PCDHGB2: variants seen among roughly 807,000 people sequenced by gnomAD.
PCDHGB2 encodes protocadherin gamma-B2.
A neutral mutation model predicts 59.3 loss-of-function variants in PCDHGB2; 55 were observed. The ratio of observed to expected loss-of-function variants is 0.93; its 90% CI spans 0.75 to 1.16. The LOEUF (loss-of-function observed/expected upper bound fraction) is 1.16. PCDHGB2 is among the 50% of genes most tolerant of loss of function. The probability of loss-of-function intolerance (pLI) is 0.00; values close to 1 mark genes in which losing one functional copy is unlikely to be tolerated. For synonymous variants in PCDHGB2, 516 were observed against 512.0 expected (o/e 1.01, Z -0.11); for missense variants, 1,228 against 1,198.5 (o/e 1.02, Z -0.36).
chr5:141,400,923 T>C (rs1453975530), intron 1 of PCDHGB2, among the ~76,000 whole-genome samples: 1 of 152,260 alleles, frequency 6.6e-6, no homozygotes, highest in Admixed American at 6.5e-5. Flanking sequence ...AAGAAACTGC[T>C]AGTAGATGTC....
chr5:141,408,079 A>C (rs1176059527), intron 1 of PCDHGB2: 13 of 1,407,872 alleles, frequency 9.2e-6, no homozygotes, highest in Non-Finnish European at 1.1e-5. Context: ...CTTTCCCAGC[A>C]CAGCGGATTG....
At chr5:141,383,748 A>T in intron 1 of PCDHGB2, 1 of 1,613,970 alleles carries the variant, frequency 6.2e-7, no homozygotes, top group Non-Finnish European at 8.5e-7. Context: ...CTTTTCGGAA[A>T]ATAACTCCTA....
rs991408001 is a variant in PCDHGB2, at chr5:141,450,171, C to G, written c.2422-44636C>G. Among the ~76,000 whole-genome samples, 5 of 151,690 alleles carry G rather than the reference C, an allele frequency of 3.3e-5. No individual in the cohort carries two copies. In the East Asian group the frequency reaches 7.8e-4, roughly 24 times the overall value. ...ACAGGCATGTGCCACCACACTCCCACCACACCCAGCTAATTTTTGTATTTT... is the reference window on the plus strand; with the variant it reads ...ACAGGCATGTGCCACCACACTCCCAGCACACCCAGCTAATTTTTGTATTTT... On this transcript the variant is annotated intron_variant, in intron 1 of 3. Transcript: ENST00000522605.
At chr5:141,386,203 G>A (rs2090496623) in intron 1 of PCDHGB2, among the ~76,000 whole-genome samples, 1 of 152,140 alleles carries the variant, frequency 6.6e-6, no homozygotes, top group Non-Finnish European at 1.5e-5. Flanking sequence ...TAGACCAGTA[G>A]TTGATTTTAT....
Position 141,431,432 on chromosome 5 carries a change from AC to A in PCDHGB2, c.2422-63373del. 2 of 1,613,692 alleles carry A rather than the reference AC, an allele frequency of 1.2e-6. No individual in the cohort carries two copies. Among genetic ancestry groups the A allele is most frequent in the Non-Finnish European group, 1.7e-6 (2 of 1,180,026 alleles). On this transcript the variant is annotated intron_variant, in intron 1 of 3. Transcript: ENST00000522605. The surrounding 1 kb of genome is among the most constrained non-coding windows in gnomAD (Gnocchi z 4.8). ...CGGGGGCGACCCGGTGCGCACAGGC[AC>A]CGCGCGCATCCGCGTGATGGTTCTG... is the stretch of plus-strand genomic sequence containing the variant.
At position 141,361,101 on chromosome 5, in the gene PCDHGB2, A is replaced by T. The variant is rs1561522618; in HGVS notation, c.966A>T (p.Lys322Asn). 6.2e-7 allele frequency: 1 copy of T among 1,614,014 alleles called. No homozygotes were observed. The highest frequency in any genetic ancestry group is 8.5e-7 in the Non-Finnish European group (1 of 1,179,884). ...GTTACACTCTGAGTATCGAAGCAAAAGATCCTGGAGATCTAGCAGCCCACT... is the reference window on the plus strand; with the variant it reads ...GTTACACTCTGAGTATCGAAGCAAATGATCCTGGAGATCTAGCAGCCCACT... ...ASSYTLSIEA[K>N]DPGDLAAHCS... Residue 322 changes from lysine to asparagine, a missense_variant, in exon 1 of 4, where the codon AAA (lysine) becomes AAT (asparagine). Around this residue, in one of 3 missense-constraint regions of PCDHGB2, gnomAD observed 781 missense variants for 721.6 expected, o/e 1.08. Coordinates refer to ENST00000522605, the MANE Select transcript of PCDHGB2 (RefSeq NM_018923.3).
In PCDHGB2 at chr5:141,428,860, CTT is replaced by C. The variant is rs34152666; in HGVS notation, c.2422-65935_2422-65934del. On this transcript the variant is annotated intron_variant, in intron 1 of 3. Transcript: ENST00000522605. The stretch of plus-strand genomic sequence containing the variant: ...ACATTTTCACCATTTTTACGGGAGA[CTT>C]TTTTTTTTTTTGGACGGAGTCTCGC... The C allele has an allele frequency of 7.4e-3, 1,070 of 145,506 alleles. 4 individuals carry two copies. Among genetic ancestry groups the C allele is most frequent in the South Asian group, 0.018 (82 of 4,566 alleles). 9.0% of individuals were successfully genotyped at this position (145,506 alleles called of 1,614,324 possible).
chr5:141,466,496 GCA>G (rs2099123596), intron 1 of PCDHGB2, among the ~76,000 whole-genome samples: 1 of 152,120 alleles, frequency 6.6e-6, no homozygotes. Context: ...TTTAATTAGA[GCA>G]CAGACAAGAT....
intron 1 of PCDHGB2, chr5:141,365,983 T>C (rs954488135): frequency 1.2e-6 from 2 of 1,614,234 alleles, no homozygotes; most frequent in South Asian, 2.2e-5. Flanking sequence ...TGAGCCTGTT[T>C]GTGCTGGACC....
chr5:141,390,790 G>C (rs2092232072), intron 1 of PCDHGB2: 2 of 166,124 alleles, frequency 1.2e-5, no homozygotes, highest in Admixed American at 1.2e-4. Flanking sequence ...TGTTTCAAAA[G>C]CTCTTAGAAT....
chr5:141,465,030 C>T (rs922114985), intron 1 of PCDHGB2, among the ~76,000 whole-genome samples: 2 of 152,086 alleles, frequency 1.3e-5, no homozygotes, highest in Non-Finnish European at 1.5e-5. Context: ...CCATGAACCA[C>T]CACAAATGAC....
At position 141,511,393 on chromosome 5, in the gene PCDHGB2, C is replaced by G. The variant is rs1257680621; in HGVS notation, c.*220C>G. The G allele has an allele frequency of 2.8e-6, 3 of 1,067,816 alleles. No individual in the cohort carries two copies. The highest frequency in any genetic ancestry group is 3.9e-6 in the Non-Finnish European group (3 of 764,518). The allele number at this position is 1,067,816 out of a possible 1,614,324, so 66.1% of individuals were successfully genotyped here. A position where few individuals can be genotyped will look rare whatever the true frequency, so the allele number is the denominator to read the frequency against. On this transcript the variant is annotated 3_prime_UTR_variant, in exon 4 of 4. Coordinates refer to ENST00000522605, the MANE Select transcript of PCDHGB2 (RefSeq NM_018923.3). ...CAAAAGCAGTTCCGCTGGGAACCCC[C>G]ATCCAATCAACTGCTGTACCCATGG...
At chr5:141,423,577 G>T (rs1348410879) in intron 1 of PCDHGB2, 1 of 1,613,478 alleles carries the variant, frequency 6.2e-7, no homozygotes, top group Admixed American at 1.7e-5. Flanking sequence ...CATCAGCCAG[G>T]AGAGCTGTGA....
In PCDHGB2 at chr5:141,476,299, C is replaced by T; in HGVS notation, c.2422-18508C>T. ...ACCTTGGTTTGGATCTCGGTAGCCT[C>T]TCAGCCCGCAGGTTCCGGGTGGTGT... On this transcript the variant is annotated intron_variant, in intron 1 of 3. Transcript: ENST00000522605. The surrounding 1 kb of genome is among the most constrained non-coding windows in gnomAD (Gnocchi z 7.6). The T allele has an allele frequency of 6.2e-7, 1 of 1,614,100 alleles. No individual in the cohort carries two copies. The highest frequency in any genetic ancestry group is 1.1e-5 in the South Asian group (1 of 91,074).
At position 141,371,889 on chromosome 5, in the gene PCDHGB2, C is replaced by T. The variant is rs778087129; in HGVS notation, c.2421+9333C>T. 5 of 1,613,316 alleles carry T rather than the reference C, an allele frequency of 3.1e-6. No individual in the cohort carries two copies. The East Asian group carries it at 6.7e-5, about 22-fold the overall frequency. On this transcript the variant is annotated intron_variant, in intron 1 of 3. Coordinates refer to ENST00000522605, the MANE Select transcript of PCDHGB2 (RefSeq NM_018923.3). ...CATCGTGGCCAGTGACCTGGAGCCG[C>T]GGGAGCTGTCGTCCTACGTGTCCGT...
At chr5:141,398,643 C>T (rs746159571) in intron 1 of PCDHGB2, 1 of 1,614,024 alleles carries the variant, frequency 6.2e-7, no homozygotes, top group Admixed American at 1.7e-5. Context: ...AGTATAAACT[C>T]TCTCTTAACC....
chr5:141,413,077 G>A (rs2095603422), intron 1 of PCDHGB2: 1 of 1,287,542 alleles, frequency 7.8e-7, no homozygotes, highest in African/African-American at 1.5e-5. Context: ...AAGTGCCCAG[G>A]CTACAGAGAC....
Position 141,485,597 on chromosome 5 carries a change from A to G in PCDHGB2, c.2422-9210A>G. On this transcript the variant is annotated intron_variant, in intron 1 of 3. Coordinates refer to ENST00000522605, the MANE Select transcript of PCDHGB2 (RefSeq NM_018923.3). This position sits in a 1 kb window ranked among gnomAD's most constrained non-coding sequence, Gnocchi z 5.7. ...TCCGCGGCAGCAGCTGGACTTGGAA[A>G]TTGGGGAGGCAGCTCCTCCAGGACA... The G allele has an allele frequency of 6.2e-7, 1 of 1,612,468 alleles. No homozygotes were observed. The highest frequency in any genetic ancestry group is 8.5e-7 in the Non-Finnish European group (1 of 1,178,718).
At chr5:141,371,129 C>T (rs779236316) in intron 1 of PCDHGB2, 2 of 1,614,012 alleles carry the variant, frequency 1.2e-6, no homozygotes, top group East Asian at 2.2e-5. Context: ...TTACTCAGGA[C>T]ATGTACAGGG....
Sources: allele counts gnomAD v4.1 joint callset (sites outside exome capture counted in the v4.1 genomes callset), GRCh38; gene constraint gnomAD v4.1.1; regional missense constraint gnomAD v4.1.1; non-coding constraint Gnocchi (gnomAD v3.1); transcripts MANE v1.5; gene names NCBI Gene and HGNC (gene_info 2026-07-23, HGNC 2026-07-21).